CLEC20A: variants seen among roughly 807,000 people sequenced by gnomAD.
CLEC20A encodes the protein putative C-type lectin domain family 20 member A.
intron 5 of CLEC20A, chr1:178,486,354 C>T (rs2455862): frequency 0.05 from 20,095 of 398,126 alleles, 602 homozygotes; most frequent in South Asian, 0.083. Flanking sequence ...CAGGCCTGGT[C>T]GCCCCAAGAG....
chr1:178,497,579 A>G (rs1423672513), upstream of CLEC20A, among the ~76,000 whole-genome samples: 2 of 152,194 alleles, frequency 1.3e-5, no homozygotes, highest in Non-Finnish European at 2.9e-5. Context: ...CTTCTGTCCA[A>G]TCATATTTCT....
upstream of CLEC20A, chr1:178,497,032 C>T (rs1026249445): frequency 5.0e-6 from 2 of 398,766 alleles, no homozygotes; most frequent in Non-Finnish European, 8.8e-6. Flanking sequence ...CTGCGTCTGA[C>T]CTTCTGGCCT....
chr1:178,495,092 C>T (rs1311882797), intron 1 of CLEC20A, among the ~76,000 whole-genome samples: 2 of 152,248 alleles, frequency 1.3e-5, no homozygotes, highest in Non-Finnish European at 2.9e-5. Flanking sequence ...ACTCCTCACT[C>T]TTCTGCCCCA....
chr1:178,487,448 C>T (rs1649176547), intron 5 of CLEC20A, among the ~76,000 whole-genome samples: 1 of 152,210 alleles, frequency 6.6e-6, no homozygotes, highest in African/African-American at 2.4e-5. Context: ...CTGTCCCCAC[C>T]CCACCTGCAG....
exon 4 of CLEC20A, chr1:178,490,413 G>A (rs972422139): frequency 5.0e-6 from 2 of 398,692 alleles, no homozygotes; most frequent in Non-Finnish European, 8.8e-6. Context: ...TCGCATGAAG[G>A]TCTGACCACT....
chr1:178,499,160 C>G (rs889322214), upstream of CLEC20A, among the ~76,000 whole-genome samples: 1 of 152,216 alleles, frequency 6.6e-6, no homozygotes, highest in Non-Finnish European at 1.5e-5. Flanking sequence ...ACTTGGAACT[C>G]CAGGCTGAAA....
At chr1:178,490,074 T>G (rs1030226922) in exon 4 of CLEC20A, 10 of 398,626 alleles carry the variant, frequency 2.5e-5, no homozygotes, top group African/African-American at 1.9e-4. Context: ...TCACTCACCA[T>G]AGAAGCAGAA....
chr1:178,482,906 T>G (rs917560750), intron 6 of CLEC20A: 8 of 318,152 alleles, frequency 2.5e-5, no homozygotes, highest in Admixed American at 4.9e-5. Flanking sequence ...TCTCATTGGG[T>G]GCTCACAACA....
At chr1:178,486,528 G>C (rs150522743) in intron 5 of CLEC20A, 1 of 398,680 alleles carries the variant, frequency 2.5e-6, no homozygotes, top group Non-Finnish European at 4.4e-6. Flanking sequence ...TCTGGGTCAC[G>C]GCTGGGCTCC....
At chr1:178,487,136 G>A (rs1649168091) in intron 5 of CLEC20A, among the ~76,000 whole-genome samples, 1 of 152,168 alleles carries the variant, frequency 6.6e-6, no homozygotes, top group Non-Finnish European at 1.5e-5. Context: ...GAGTGGCTTC[G>A]CGCGCTGGCT....
chr1:178,491,444 A>AT (rs1381382257), intron 3 of CLEC20A, among the ~76,000 whole-genome samples: 5 of 152,070 alleles, frequency 3.3e-5, no homozygotes, highest in Admixed American at 1.3e-4. Context: ...ATCTAAACAG[A>AT]TTTTTTAAAG....
intron 6 of CLEC20A, chr1:178,482,696 G>A (rs1649021745): frequency 4.0e-6 from 1 of 252,366 alleles, no homozygotes; most frequent in South Asian, 1.7e-4. Flanking sequence ...TTTTAATCCA[G>A]TAAGTAGATA....
chr1:178,479,609 C>G, exon 8 of CLEC20A: 1 of 398,474 alleles, frequency 2.5e-6, no homozygotes, highest in Non-Finnish European at 4.4e-6. Context: ...TTTAAGACTT[C>G]CTGGATCTGA....
At chr1:178,485,971 T>C (rs558663140) in intron 5 of CLEC20A, among the ~76,000 whole-genome samples, 28 of 152,248 alleles carry the variant, frequency 1.8e-4, no homozygotes, top group Admixed American at 3.3e-4. Context: ...TGGTAATAAC[T>C]ACCATTTATT....
intron 4 of CLEC20A, 53 bp downstream of exon 4, chr1:178,490,019 T>C: frequency 5.0e-6 from 2 of 398,492 alleles, no homozygotes; most frequent in Non-Finnish European, 8.8e-6. Flanking sequence ...CCATTTCCCA[T>C]CTCATTCTAT....
chr1:178,483,815 G>A (rs1235249844), intron 5 of CLEC20A: 3 of 152,214 alleles, frequency 2.0e-5, no homozygotes, highest in Non-Finnish European at 2.9e-5. Flanking sequence ...CTGCTCTCAT[G>A]TTCAGTCACC....
At chr1:178,481,878 G>A (rs1189618396) in intron 7 of CLEC20A, 3 of 153,044 alleles carry the variant, frequency 2.0e-5, no homozygotes, top group Non-Finnish European at 4.4e-5. Context: ...TATTTGCTAA[G>A]CACTTTATAT....
At chr1:178,478,932 A>G (rs1169625470), downstream of CLEC20A, 5 of 152,232 alleles carry the variant, frequency 3.3e-5, no homozygotes, top group Non-Finnish European at 7.3e-5. Context: ...TTGAAGAGAA[A>G]CAAGAAAGGA....
At chr1:178,487,762 T>A (rs552789568) in intron 5 of CLEC20A, among the ~76,000 whole-genome samples, 1 of 152,134 alleles carries the variant, frequency 6.6e-6, no homozygotes, top group South Asian at 2.1e-4. Flanking sequence ...TTCTAATGAG[T>A]GAATGAACGA....
Sources: gnomAD v4.1 joint callset for allele counts (sites outside exome capture counted in the v4.1 genomes callset) on GRCh38, gnomAD v4.1.1 for gene constraint, MANE v1.5 for transcripts, NCBI Gene and HGNC (gene_info 2026-07-23, HGNC 2026-07-21) for gene names.